KCNT1: variants seen among roughly 807,000 people sequenced by gnomAD.
KCNT1 encodes the protein potassium sodium-activated channel subfamily T member 1.
In KCNT1, 78 loss-of-function variants were observed where a neutral mutation model predicts 147.8. The ratio of observed to expected loss-of-function variants is 0.53; its 90% CI spans 0.44 to 0.64. KCNT1 has a LOEUF of 0.64. KCNT1 is among the 30% of genes least tolerant of loss of function. The probability of loss-of-function intolerance (pLI) is 0.00; values close to 1 mark genes in which losing one functional copy is unlikely to be tolerated. For missense variants in KCNT1, 1,419 were observed against 1,750.3 expected, an observed-to-expected ratio of 0.81 and a Z score of 3.38; for synonymous variants, 867 against 748.8, an observed-to-expected ratio of 1.16 and a Z score of -2.58.
chr9:135,723,547 C>T (rs929752864), intron 2 of KCNT1, among the ~76,000 whole-genome samples: 5 of 152,200 alleles, frequency 3.3e-5, no homozygotes, highest in Admixed American at 6.5e-5. Context: ...TGTGCCTGTG[C>T]GACCGACAGC....
chr9:135,721,962 C>T lies in KCNT1; in HGVS notation c.254+7242C>T, dbSNP rs538767315. Among the ~76,000 whole-genome samples, 73 of 152,292 alleles carry T rather than the reference C, an allele frequency of 4.8e-4. No homozygotes were observed. In the South Asian group the frequency reaches 0.015, roughly 31 times the overall value. ...GCTGCACCTTCCTCCTAGCCCTGTC[C>T]CTCCCTCCGACGGTGGGTTCCAGGG... On this transcript the variant is annotated intron_variant, in intron 2 of 30. Coordinates refer to ENST00000371757, the MANE Select transcript of KCNT1 (RefSeq NM_020822.3).
intron 2 of KCNT1, among the ~76,000 whole-genome samples, chr9:135,741,521 C>G (rs917742937): frequency 6.6e-6 from 1 of 152,230 alleles, no homozygotes; most frequent in Non-Finnish European, 1.5e-5. Flanking sequence ...CCCAGCAAAC[C>G]CAAAGATCAG....
intron 29 of KCNT1, 59 bp from the exon 30 acceptor site, chr9:135,791,738 G>C (rs1011573635): frequency 1.4e-6 from 2 of 1,456,748 alleles, no homozygotes; most frequent in African/African-American, 2.8e-5. Flanking sequence ...CTGGGCCCCT[G>C]CAGAGCTGGG....
rs534689209 is a variant in KCNT1, at chr9:135,775,881, C to T, written c.2349+466C>T. ...TTTCCCCACCGGGAGCCTGTCCCGG[C>T]TGCGTCTTAGCAACTCCTTTCTCGT... On this transcript the variant is annotated intron_variant, in intron 20 of 30. Transcript: ENST00000371757. Among the ~76,000 whole-genome samples the T allele has an allele frequency of 9.3e-4, 142 of 152,198 alleles. 2 individuals carry two copies. The highest frequency in any genetic ancestry group is 3.2e-4 in the Non-Finnish European group (22 of 68,034).
Position 135,770,355 on chromosome 9 carries a change from C to A in KCNT1, c.1677C>A (p.Asn559Lys). 2 of 1,612,996 alleles carry A rather than the reference C, an allele frequency of 1.2e-6. No homozygotes were observed. The highest frequency in any genetic ancestry group is 1.7e-6 in the Non-Finnish European group (2 of 1,179,718). The change falls in exon 17 of 31, where the codon AAC becomes AAA. Residue 559 changes from asparagine to lysine, a missense_variant. Coordinates refer to ENST00000371757, the MANE Select transcript of KCNT1 (RefSeq NM_020822.3). ...GCATGTATGGGCGCTGCTCCGGCAA[C>A]GAGGTGTACCACATCCGCATGGGTG... ...WQRMYGRCSG[N>K]EVYHIRMGDS...
chr9:135,772,984 G>A (rs928574546), intron 19 of KCNT1, 35 bp downstream of exon 19: 14 of 1,395,022 alleles, frequency 1.0e-5, no homozygotes, highest in Non-Finnish European at 1.3e-5. Flanking sequence ...CCCAGTGGGG[G>A]GAGGAGCCGC....
In KCNT1 at chr9:135,785,291, G is replaced by T; in HGVS notation, c.3157-19G>T. 1 of 1,612,706 alleles carries T rather than the reference G, an allele frequency of 6.2e-7. No individual in the cohort carries two copies. The highest frequency in any genetic ancestry group is 8.5e-7 in the Non-Finnish European group (1 of 1,179,840). ...GGGGTGCGCCCACAGGTCCCAGACT[G>T]CGCCTGTTTCCTTTGCAGCCCCACG... On this transcript the variant is annotated intron_variant, in intron 27 of 30. Coordinates refer to ENST00000371757, the MANE Select transcript of KCNT1 (RefSeq NM_020822.3).
At chr9:135,756,991 AG>A (rs1564351658) in intron 7 of KCNT1, 59 bp downstream of exon 7, 28 of 727,576 alleles carry the variant, frequency 3.8e-5, no homozygotes, top group African/African-American at 6.1e-5. Context: ...CACCCTCCCC[AG>A]CCTCCCCCAC....
intron 1 of KCNT1, among the ~76,000 whole-genome samples, chr9:135,706,949 T>C (rs1212308216): frequency 1.3e-5 from 2 of 151,646 alleles, no homozygotes; most frequent in Non-Finnish European, 1.5e-5. Context: ...CCAGAGTTCA[T>C]TGGTGCTGAG....
At chr9:135,738,655 A>G (rs749388848) in intron 2 of KCNT1, among the ~76,000 whole-genome samples, 4 of 152,116 alleles carry the variant, frequency 2.6e-5, no homozygotes, top group Non-Finnish European at 4.4e-5. Context: ...TCCACTGCCC[A>G]CCAGGGACTG....
intron 29 of KCNT1, chr9:135,791,079 A>T (rs1214250026): frequency 6.6e-6 from 1 of 152,432 alleles, no homozygotes; most frequent in African/African-American, 2.4e-5. Flanking sequence ...TCTCGGAGGG[A>T]TGAGCTGCGG....
rs75455524 is a variant in KCNT1 at position 135,728,479 on chromosome 9, G to A, written c.254+13759G>A. ...CACTGCGGATGTAACAGCCACCCAC[G>A]GCCTGCCTGGGAAAAGCCCAGATTT... On this transcript the variant is annotated intron_variant, in intron 2 of 30. Coordinates refer to ENST00000371757, the MANE Select transcript of KCNT1 (RefSeq NM_020822.3). Among the ~76,000 whole-genome samples the A allele has an allele frequency of 1.3e-3, 203 of 152,308 alleles. 4 individuals carry two copies. In the East Asian group the frequency reaches 0.037, roughly 28 times the overall value.
At chr9:135,725,721 G>A (rs1413978362) in intron 2 of KCNT1, among the ~76,000 whole-genome samples, 1 of 152,240 alleles carries the variant, frequency 6.6e-6, no homozygotes, top group Non-Finnish European at 1.5e-5. Context: ...TTCCCACGTG[G>A]AGCTGTGGCT....
At chr9:135,746,636 A>G (rs1830847522) in intron 2 of KCNT1, among the ~76,000 whole-genome samples, 1 of 152,070 alleles carries the variant, frequency 6.6e-6, no homozygotes, top group African/African-American at 2.4e-5. Flanking sequence ...CCAGAGGTCC[A>G]GCTGCACCAG....
intron 2 of KCNT1, among the ~76,000 whole-genome samples, chr9:135,732,033 GAGA>G: frequency 7.1e-6 from 1 of 141,820 alleles, no homozygotes; most frequent in Non-Finnish European, 1.6e-5. Flanking sequence ...GAGAGAGAGA[GAGA>G]GAGAGGGAGT....
chr9:135,737,681 C>G (rs1342542342), intron 2 of KCNT1, among the ~76,000 whole-genome samples: 9 of 152,160 alleles, frequency 5.9e-5, no homozygotes, highest in Admixed American at 1.3e-4. Context: ...TTCATCAGGG[C>G]TGGGGGGCAG....
intron 26 of KCNT1, 31 bp downstream of exon 26, chr9:135,784,649 G>C: frequency 6.2e-7 from 1 of 1,611,006 alleles, no homozygotes. Flanking sequence ...TGGGCTGGGG[G>C]CGTGCTGGGC....
chr9:135,769,047 G>A (rs568092466), intron 15 of KCNT1, 110 bp downstream of exon 15: 44 of 826,520 alleles, frequency 5.3e-5, no homozygotes, highest in East Asian at 3.6e-4. Context: ...GTGACGGTGC[G>A]TCTGGGGCAG....
At chr9:135,723,460 C>T (rs571809722) in intron 2 of KCNT1, among the ~76,000 whole-genome samples, 57 of 152,386 alleles carry the variant, frequency 3.7e-4, no homozygotes, top group African/African-American at 1.3e-3. Flanking sequence ...GGGTGGCAGG[C>T]AGGGAGGAGA....
Sources: gnomAD v4.1 joint callset for allele counts (sites outside exome capture counted in the v4.1 genomes callset) on GRCh38, gnomAD v4.1.1 for gene constraint, MANE v1.5 for transcripts, NCBI Gene and HGNC (gene_info 2026-07-23, HGNC 2026-07-21) for gene names.